CYP20A1: variants seen among roughly 807,000 people sequenced by gnomAD.
The protein encoded by CYP20A1 is cytochrome P450 family 20 subfamily A member 1.
Under a neutral mutation model 61.4 loss-of-function variants are expected in CYP20A1, and 61 were observed. The observed-to-expected ratio is 0.99, with a 90% confidence interval of 0.81 to 1.23. CYP20A1 has a LOEUF of 1.23. Ranked by LOEUF, CYP20A1 falls within the 50% of genes most tolerant of loss-of-function variation. CYP20A1 has a pLI of 0.00. For missense variants in CYP20A1, 530 were observed against 542.4 expected (o/e 0.98, Z 0.23); for synonymous variants, 193 against 188.2 (o/e 1.03, Z -0.21).
rs2069158707 is a variant in CYP20A1 at position 203,304,879 on chromosome 2, T to C, written c.*7971T>C. ...TGAGCCCAGGAGGTAGAGGTTGCAGTGAGCCATGATCATGCCACTGCACTC... is the reference window on the plus strand; with the variant it reads ...TGAGCCCAGGAGGTAGAGGTTGCAGCGAGCCATGATCATGCCACTGCACTC... On this transcript the variant is annotated 3_prime_UTR_variant, in exon 13 of 13. Coordinates refer to ENST00000356079, the MANE Select transcript of CYP20A1 (RefSeq NM_177538.3). Among the ~76,000 whole-genome samples, 1 of 152,162 alleles carries C rather than the reference T, an allele frequency of 6.6e-6. No individual in the cohort carries two copies. Among genetic ancestry groups the C allele is most frequent in the Admixed American group, 6.6e-5 (1 of 15,266 alleles).
At chr2:203,295,254 TA>T in intron 11 of CYP20A1, among the ~76,000 whole-genome samples, 1 of 152,020 alleles carries the variant, frequency 6.6e-6, no homozygotes, top group East Asian at 1.9e-4. Flanking sequence ...CAAAAATTTT[TA>T]ATAGAGATGA....
chr2:203,277,026 G>C (rs1036706144), intron 6 of CYP20A1, among the ~76,000 whole-genome samples: 1 of 152,126 alleles, frequency 6.6e-6, no homozygotes, highest in African/African-American at 2.4e-5. Flanking sequence ...GTGGAGTCTA[G>C]GGGAGTATAG....
At chr2:203,246,734 C>G (rs763204325) in intron 2 of CYP20A1, 21 bp from the exon 3 acceptor site, 1 of 1,602,700 alleles carries the variant, frequency 6.2e-7, no homozygotes. Context: ...ATTATTTTGT[C>G]AAATGTTGCT....
chr2:203,285,232 G>A (rs2068215794), intron 8 of CYP20A1, among the ~76,000 whole-genome samples: 2 of 152,068 alleles, frequency 1.3e-5, no homozygotes, highest in Non-Finnish European at 1.5e-5. Flanking sequence ...CTGATAAATC[G>A]GCCTAATAAG....
At chr2:203,262,926 C>A (rs1432898370) in intron 4 of CYP20A1, among the ~76,000 whole-genome samples, 1 of 152,064 alleles carries the variant, frequency 6.6e-6, no homozygotes, top group Non-Finnish European at 1.5e-5. Context: ...GATCCGCCCG[C>A]CTCGACCTCA....
At chr2:203,258,003 G>GTGCA in intron 4 of CYP20A1, among the ~76,000 whole-genome samples, 10 of 151,482 alleles carry the variant, frequency 6.6e-5, no homozygotes, top group South Asian at 2.1e-4. Context: ...CTGGGCTGAA[G>GTGCA]GGATCCTCCT....
chr2:203,283,516 A>G (rs62183909), intron 8 of CYP20A1, among the ~76,000 whole-genome samples: 19,358 of 141,822 alleles, frequency 0.14, 1,926 homozygotes, highest in East Asian at 0.53. Context: ...ACACCCAGCC[A>G]ATGTGAGATT....
At chr2:203,239,240 G>C (rs2066154217) in intron 1 of CYP20A1, 106 bp downstream of exon 1, 2 of 978,396 alleles carry the variant, frequency 2.0e-6, no homozygotes, top group South Asian at 2.6e-5. Context: ...GCGGGCCTGA[G>C]AGGAGGGTTC....
chr2:203,244,345 GA>G (rs1227250447), intron 1 of CYP20A1, among the ~76,000 whole-genome samples: 2 of 152,218 alleles, frequency 1.3e-5, no homozygotes, highest in East Asian at 3.9e-4. Flanking sequence ...GGGACTACAG[GA>G]GTGTGCCACC....
intron 6 of CYP20A1, among the ~76,000 whole-genome samples, chr2:203,276,673 A>G (rs780103241): frequency 1.3e-5 from 2 of 152,180 alleles, no homozygotes; most frequent in Non-Finnish European, 2.9e-5. Flanking sequence ...GGGGAAGACT[A>G]TGGGAAGATC....
intron 9 of CYP20A1, among the ~76,000 whole-genome samples, chr2:203,288,267 T>C (rs886103643): frequency 4.6e-5 from 7 of 151,750 alleles, no homozygotes; most frequent in African/African-American, 1.7e-4. Flanking sequence ...GGTTTTACCA[T>C]GTTGGCCAGG....
At chr2:203,271,502 A>G (rs563275667) in intron 5 of CYP20A1, among the ~76,000 whole-genome samples, 1 of 152,282 alleles carries the variant, frequency 6.6e-6, no homozygotes, top group East Asian at 1.9e-4. Context: ...ATTGTTTAAT[A>G]AGTGTTGTGT....
intron 6 of CYP20A1, among the ~76,000 whole-genome samples, chr2:203,273,624 A>T (rs967927247): frequency 6.6e-6 from 1 of 152,128 alleles, no homozygotes; most frequent in Non-Finnish European, 1.5e-5. Flanking sequence ...ATGTAGTGAG[A>T]GACCCCATCT....
intron 7 of CYP20A1, 51 bp downstream of exon 7, chr2:203,278,739 GC>G: frequency 1.0e-6 from 1 of 972,620 alleles, no homozygotes; most frequent in South Asian, 1.7e-5. Flanking sequence ...CCAGAGCCAG[GC>G]ACAATGGCTC....
At chr2:203,272,538 G>A (rs1166733048) in intron 5 of CYP20A1, 132 bp from the exon 6 acceptor site, 11 of 419,456 alleles carry the variant, frequency 2.6e-5, no homozygotes, top group African/African-American at 1.2e-4. Context: ...TGACAGAGCC[G>A]GAACCCTGAC....
At chr2:203,250,321 T>C (rs1388220101) in intron 3 of CYP20A1, among the ~76,000 whole-genome samples, 1 of 152,212 alleles carries the variant, frequency 6.6e-6, no homozygotes, top group Non-Finnish European at 1.5e-5. Context: ...TTTACAAATA[T>C]TAACTCATTT....
At chr2:203,292,930 C>T (rs1294201003) in intron 11 of CYP20A1, among the ~76,000 whole-genome samples, 1 of 152,018 alleles carries the variant, frequency 6.6e-6, no homozygotes, top group Admixed American at 6.6e-5. Flanking sequence ...AATCCCAGCA[C>T]TTTGGGAGGC....
rs1167546590 is a variant in CYP20A1, at chr2:203,294,941, ATTTTT to A, written c.1149-1508_1149-1504del. ...GCCACTGTGCCCAGCCTTTAAAAAA[ATTTTT>A]TTTTTTTTTTTTTTTTTTTTTTTTG... On this transcript the variant is annotated intron_variant, in intron 11 of 12. Coordinates refer to ENST00000356079, the MANE Select transcript of CYP20A1 (RefSeq NM_177538.3). Among the ~76,000 whole-genome samples the A allele has an allele frequency of 5.3e-3, 242 of 45,420 alleles. 1 individual carries two copies. The highest frequency in any genetic ancestry group is 0.016 in the African/African-American group (192 of 11,810). 29.8% of individuals were successfully genotyped at this position (45,420 alleles called of 152,430 possible).
chr2:203,246,497 G>T lies in CYP20A1; in HGVS notation c.123-258G>T, dbSNP rs3769814. 2.0e-5 allele frequency among the ~76,000 whole-genome samples: 3 copies of T among 152,264 alleles called. No individual in the cohort carries two copies. In the East Asian group the frequency reaches 5.8e-4, roughly 29 times the overall value. On this transcript the variant is annotated intron_variant, in intron 2 of 12. Coordinates refer to ENST00000356079, the MANE Select transcript of CYP20A1 (RefSeq NM_177538.3). ...AGTGGGATAGCTTTCCAGTATCTAA[G>T]TCGGATGTTCCTATGGAGCTTTCTT...
Sources: gnomAD v4.1 joint callset for allele counts (sites outside exome capture counted in the v4.1 genomes callset) on GRCh38, gnomAD v4.1.1 for gene constraint, MANE v1.5 for transcripts, NCBI Gene and HGNC (gene_info 2026-07-23, HGNC 2026-07-21) for gene names.